The following ZMYM2 variants were observed in gnomAD, a reference collection of about 807,000 sequenced individuals.
The protein encoded by ZMYM2 is zinc finger MYM-type protein 2.
A neutral mutation model predicts 162.8 loss-of-function variants in ZMYM2; 56 were observed. The observed-to-expected ratio is 0.34, with a 90% CI of 0.28 to 0.43. The LOEUF is 0.43. ZMYM2 is among the 20% of genes least tolerant of loss of function. The pLI is 1.00. For missense variants in ZMYM2, 1,275 were observed against 1,621.8 expected, an observed-to-expected ratio of 0.79 and a Z score of 3.67; for synonymous variants, 510 against 541.6, an observed-to-expected ratio of 0.94 and a Z score of 0.81.
the ZMYM2 span, among the ~76,000 whole-genome samples, chr13:19,870,027 G>A: frequency 2.0e-5 from 3 of 152,312 alleles, no homozygotes; most frequent in South Asian, 2.1e-4. Context: ...CAGTCCACAC[G>A]TAGGCCAGGG....
chr13:19,949,351 T>C, the ZMYM2 span, among the ~76,000 whole-genome samples: 1 of 150,922 alleles, frequency 6.6e-6, no homozygotes, highest in Non-Finnish European at 1.5e-5. Flanking sequence ...GAGGTGGAGG[T>C]TGCTGTGAGC....
the ZMYM2 span, among the ~76,000 whole-genome samples, chr13:19,873,949 C>G: frequency 6.6e-6 from 1 of 152,178 alleles, no homozygotes; most frequent in Non-Finnish European, 1.5e-5. Context: ...GTTTCCAGCC[C>G]ATCTGTGCCA....
the ZMYM2 span, among the ~76,000 whole-genome samples, chr13:19,912,502 T>G: frequency 1.1e-4 from 17 of 151,942 alleles, no homozygotes; most frequent in Non-Finnish European, 1.8e-4. Context: ...CCAGCTACTT[T>G]TTTGTATTTC....
intron 2 of ZMYM2, among the ~76,000 whole-genome samples, chr13:19,990,559 T>C (rs1320346523): frequency 2.6e-5 from 4 of 152,208 alleles, no homozygotes; most frequent in Non-Finnish European, 5.9e-5. Context: ...CCTTCTGTTA[T>C]TCTGTTTAAA....
At chr13:20,080,924 T>G (rs1460099980) in intron 21 of ZMYM2, among the ~76,000 whole-genome samples, 1 of 152,248 alleles carries the variant, frequency 6.6e-6, no homozygotes, top group Non-Finnish European at 1.5e-5. Flanking sequence ...TGAAAGCTGC[T>G]GTACAGTATG....
intron 2 of ZMYM2, among the ~76,000 whole-genome samples, chr13:19,968,587 C>A (rs771461595): frequency 6.6e-6 from 1 of 152,156 alleles, no homozygotes; most frequent in Non-Finnish European, 1.5e-5. Flanking sequence ...AATGTTGAGA[C>A]CTTTAAGTGT....
chr13:19,917,299 G>T, the ZMYM2 span, among the ~76,000 whole-genome samples: 1 of 151,988 alleles, frequency 6.6e-6, no homozygotes, highest in African/African-American at 2.4e-5. Flanking sequence ...ATAGAAGTTA[G>T]CTATCACGGC....
At chr13:20,030,532 G>A (rs1268171961) in intron 9 of ZMYM2, among the ~76,000 whole-genome samples, 2 of 151,924 alleles carry the variant, frequency 1.3e-5, no homozygotes, top group Non-Finnish European at 2.9e-5. Context: ...CTGAGTAGCT[G>A]GTACTACAGG....
chr13:20,083,543 A>T, intron 23 of ZMYM2, 113 bp from the exon 24 acceptor site: 1 of 810,946 alleles, frequency 1.2e-6, no homozygotes, highest in Non-Finnish European at 1.9e-6. Flanking sequence ...GCCATAACTT[A>T]AAACTCCAAG....
chr13:19,864,485 C>A, the ZMYM2 span: 1 of 154,888 alleles, frequency 6.5e-6, no homozygotes, highest in Admixed American at 6.5e-5. Context: ...TGGTCGGGCG[C>A]GACGGTGGAG....
At position 20,045,049 on chromosome 13, in the gene ZMYM2, C is replaced by CAAA. The variant is rs933854935; in HGVS notation, c.2293-6363_2293-6361dup. 4.0e-4 allele frequency among the ~76,000 whole-genome samples: 19 copies of CAAA among 47,392 alleles called. 1 individual carries two copies. Among genetic ancestry groups the CAAA allele is most frequent in the African/African-American group, 6.9e-4 (9 of 13,024 alleles). The allele number at this position is 47,392 out of a possible 152,430, so 31.1% of individuals were successfully genotyped here. On this transcript the variant is annotated intron_variant, in intron 12 of 24. Transcript: ENST00000610343. ...CGGGCGACAGAGCAAGACTCTGTGTCAAAAAAAAAAAAAAAAAAAAAAAGC... is the reference window on the plus strand; with the variant it reads ...CGGGCGACAGAGCAAGACTCTGTGTCAAAAAAAAAAAAAAAAAAAAAAAAAAGC...
At chr13:19,939,736 G>T in the ZMYM2 span, among the ~76,000 whole-genome samples, 27 of 152,286 alleles carry the variant, frequency 1.8e-4, no homozygotes, top group East Asian at 3.7e-3. Flanking sequence ...CCATGAAAAA[G>T]AATGAAATGA....
At chr13:19,991,504 T>A (rs775948463) in intron 2 of ZMYM2, among the ~76,000 whole-genome samples, 1 of 152,178 alleles carries the variant, frequency 6.6e-6, no homozygotes, top group Admixed American at 6.5e-5. Context: ...ATTAGTTGAA[T>A]ATAGCAGAAT....
intron 12 of ZMYM2, among the ~76,000 whole-genome samples, chr13:20,041,013 T>C (rs1954195115): frequency 6.6e-6 from 1 of 152,238 alleles, no homozygotes; most frequent in Non-Finnish European, 1.5e-5. Flanking sequence ...AGGAATGTTT[T>C]ATATGTGATT....
the ZMYM2 span, among the ~76,000 whole-genome samples, chr13:19,951,407 G>A: frequency 6.6e-6 from 1 of 151,282 alleles, no homozygotes; most frequent in Admixed American, 6.6e-5. Context: ...ATAGGCAAAC[G>A]GGCCAGATGC....
At position 20,074,237 on chromosome 13, in the gene ZMYM2, T is replaced by TGTGAGAGA. The variant is rs1491090474; in HGVS notation, c.3453+6848_3453+6849insTGAGAGAG. On this transcript the variant is annotated intron_variant, in intron 21 of 24. Transcript: ENST00000610343. ...GTGTGTGTGTGTGTGTGTGTGTGTGTGAGAGAGACAGAGAGACAGGGTCTC... is the reference window on the plus strand; with the variant it reads ...GTGTGTGTGTGTGTGTGTGTGTGTGTGTGAGAGAGAGAGAGACAGAGAGACAGGGTCTC... Among the ~76,000 whole-genome samples the TGTGAGAGA allele has an allele frequency of 1.5e-3, 193 of 127,562 alleles. 1 individual carries two copies. Among genetic ancestry groups the TGTGAGAGA allele is most frequent in the African/African-American group, 4.9e-3 (183 of 37,696 alleles). The allele number at this position is 127,562 out of a possible 152,430, so 83.7% of individuals were successfully genotyped here.
chr13:19,922,712 T>G, the ZMYM2 span, among the ~76,000 whole-genome samples: 1 of 151,852 alleles, frequency 6.6e-6, no homozygotes, highest in South Asian at 2.1e-4. Context: ...GGCGTGGTGG[T>G]GGGCGCCTGT....
chr13:20,044,751 TA>T (rs1279796633), intron 12 of ZMYM2, among the ~76,000 whole-genome samples: 8 of 152,098 alleles, frequency 5.3e-5, no homozygotes, highest in Non-Finnish European at 1.0e-4. Context: ...GGTACAGTTG[TA>T]AAGCATGTGA....
chr13:20,014,493 ATTAG>A (rs1951452170), intron 6 of ZMYM2, among the ~76,000 whole-genome samples: 1 of 152,122 alleles, frequency 6.6e-6, no homozygotes, highest in Non-Finnish European at 1.5e-5. Context: ...AGGCTGTGTA[ATTAG>A]TTAATGTACT....
Sources: allele counts gnomAD v4.1 joint callset (sites outside exome capture counted in the v4.1 genomes callset), GRCh38; gene constraint gnomAD v4.1.1; transcripts MANE v1.5; gene names NCBI Gene and HGNC (gene_info 2026-07-23, HGNC 2026-07-21).